Variants in AGBL1 observed in about 807,000 individuals in gnomAD.
AGBL1 encodes the protein cytosolic carboxypeptidase 4.
A neutral mutation model predicts 118.9 loss-of-function variants in AGBL1; 130 were observed. The observed-to-expected ratio is 1.09, with a 90% CI of 0.95 to 1.26. The LOEUF is 1.26. AGBL1 is among the 50% of genes most tolerant of loss of function. The pLI is 0.00. For missense variants in AGBL1, 1,584 were observed against 1,298.1 expected (o/e 1.22, Z -3.38); for synonymous variants, 555 against 478.9 (o/e 1.16, Z -2.08).
chr15:86,577,023 T>TA (rs2084101406), intron 21 of AGBL1, among the ~76,000 whole-genome samples: 1 of 152,184 alleles, frequency 6.6e-6, no homozygotes, highest in Non-Finnish European at 1.5e-5. Context: ...GCTGAAAAGA[T>TA]ACCCAAAAAT....
At chr15:86,477,261 A>G (rs1213632101) in intron 18 of AGBL1, among the ~76,000 whole-genome samples, 1 of 17,724 alleles carries the variant, frequency 5.6e-5, no homozygotes, top group African/African-American at 7.8e-4. Context: ...TAGAGACACA[A>G]AAAAACCCTT....
chr15:86,853,596 T>C (rs1301839040), intron 22 of AGBL1, among the ~76,000 whole-genome samples: 1 of 152,208 alleles, frequency 6.6e-6, no homozygotes, highest in Non-Finnish European at 1.5e-5. Flanking sequence ...CTCTACTTAC[T>C]ACACTTGGCT....
intron 21 of AGBL1, among the ~76,000 whole-genome samples, chr15:86,648,306 T>G (rs2142487550): frequency 1.3e-5 from 2 of 152,274 alleles, no homozygotes; most frequent in South Asian, 4.1e-4. Context: ...TGTGGGGTGC[T>G]AGACTTGAGA....
At chr15:86,893,301 C>G (rs974044198) in intron 22 of AGBL1, among the ~76,000 whole-genome samples, 1 of 152,050 alleles carries the variant, frequency 6.6e-6, no homozygotes, top group Non-Finnish European at 1.5e-5. Context: ...TGGCATTCAC[C>G]CAAGTCTTGA....
intron 1 of AGBL1, among the ~76,000 whole-genome samples, chr15:86,128,815 C>G (rs979963119): frequency 2.0e-5 from 3 of 152,138 alleles, no homozygotes; most frequent in Non-Finnish European, 4.4e-5. Context: ...AGCTATTAAT[C>G]TTACCATACC....
intron 18 of AGBL1, among the ~76,000 whole-genome samples, chr15:86,429,889 C>G (rs987266363): frequency 6.6e-6 from 1 of 152,066 alleles, no homozygotes; most frequent in African/African-American, 2.4e-5. Flanking sequence ...TATTCTTTAC[C>G]CTTGTCCACA....
chr15:86,782,638 C>G (rs749598345), intron 22 of AGBL1, among the ~76,000 whole-genome samples: 9 of 152,112 alleles, frequency 5.9e-5, no homozygotes, highest in Non-Finnish European at 1.0e-4. Flanking sequence ...ATTTTTGCTT[C>G]AAGTTGATAT....
Position 86,934,136 on chromosome 15 carries a change from A to T in AGBL1, c.3222-53851A>T, listed in dbSNP as rs550702661. On this transcript the variant is annotated intron_variant, in intron 23 of 24. Coordinates refer to the AGBL1 transcript ENST00000441037. ...ATTATCTCTTCAAATTTATGCTCAGAGGTCAGAATTATGATAAACAGCTAA... is the reference window on the plus strand; with the variant it reads ...ATTATCTCTTCAAATTTATGCTCAGTGGTCAGAATTATGATAAACAGCTAA... Among the ~76,000 whole-genome samples, 42 of 152,322 alleles carry T rather than the reference A, an allele frequency of 2.8e-4. No homozygotes were observed. The South Asian group carries it at 7.7e-3, about 28-fold the overall frequency.
intron 21 of AGBL1, among the ~76,000 whole-genome samples, chr15:86,670,241 A>C (rs977694289): frequency 2.6e-5 from 4 of 152,028 alleles, no homozygotes; most frequent in Non-Finnish European, 4.4e-5. Context: ...GTCTCGATTA[A>C]TTTACACTTC....
intron 1 of AGBL1, chr15:86,139,777 TAA>T (rs529531036): frequency 3.4e-5 from 5 of 146,316 alleles, no homozygotes; most frequent in Admixed American, 1.3e-4. Flanking sequence ...TTTTTTTTTT[TAA>T]AAACCAGGGC....
At chr15:86,253,124 A>C (rs2078842511) in intron 7 of AGBL1, among the ~76,000 whole-genome samples, 1 of 152,198 alleles carries the variant, frequency 6.6e-6, no homozygotes. Context: ...TGAGAAACAC[A>C]GACATGGCAG....
At chr15:86,150,946 C>T (rs1043547031) in intron 3 of AGBL1, among the ~76,000 whole-genome samples, 8 of 152,202 alleles carry the variant, frequency 5.3e-5, no homozygotes, top group African/African-American at 1.9e-4. Flanking sequence ...AAATGTGGCA[C>T]ATATACACCA....
intron 23 of AGBL1, among the ~76,000 whole-genome samples, chr15:86,943,623 C>T (rs569726018): frequency 2.6e-5 from 4 of 152,116 alleles, no homozygotes; most frequent in African/African-American, 9.7e-5. Context: ...TCTACCCGGC[C>T]GGCACCATGT....
chr15:86,997,028 TAAG>T (rs1011218961), intron 24 of AGBL1, among the ~76,000 whole-genome samples: 12 of 151,922 alleles, frequency 7.9e-5, no homozygotes, highest in African/African-American at 2.9e-4. Flanking sequence ...AAACAAAAAA[TAAG>T]AAGAAAGAAA....
At chr15:86,541,682 G>A (rs2083498973) in intron 19 of AGBL1, among the ~76,000 whole-genome samples, 1 of 149,472 alleles carries the variant, frequency 6.7e-6, no homozygotes, top group African/African-American at 2.5e-5. Flanking sequence ...AATCATGCAA[G>A]CCTCACGTAT....
rs147377624 is a variant in AGBL1, at chr15:86,911,048, A to G, written c.*3754A>G. ...GAATTGTTGGGATAAAACGTGTTCT[A>G]CCAAATTCAAAGCCAAACTAAGATG... On this transcript the variant is annotated 3_prime_UTR_variant, in exon 23 of 23. Coordinates refer to ENST00000614907, the MANE Select transcript of AGBL1 (RefSeq NM_001386094.1). The G allele has an allele frequency of 9.7e-3, 1,475 of 152,400 alleles. 6 individuals are homozygous for G. Among genetic ancestry groups the G allele is most frequent in the Non-Finnish European group, 0.016 (1,121 of 68,086 alleles). The allele number at this position is 152,400 out of a possible 1,614,324, so 9.4% of individuals were successfully genotyped here. A position where few individuals can be genotyped will look rare whatever the true frequency, so the allele number is the denominator to read the frequency against.
At chr15:86,223,814 T>C (rs1468875851) in intron 5 of AGBL1, among the ~76,000 whole-genome samples, 1 of 152,198 alleles carries the variant, frequency 6.6e-6, no homozygotes, top group African/African-American at 2.4e-5. Flanking sequence ...TTACTTTATA[T>C]TTATTCTTTC....
At chr15:86,542,177 G>C (rs1196683582) in intron 19 of AGBL1, among the ~76,000 whole-genome samples, 1 of 152,172 alleles carries the variant, frequency 6.6e-6, no homozygotes, top group East Asian at 1.9e-4. Context: ...TAATGTAGGG[G>C]AGAGTATGCA....
intron 24 of AGBL1, among the ~76,000 whole-genome samples, chr15:87,022,720 C>G (rs1327052362): frequency 6.6e-6 from 1 of 152,076 alleles, no homozygotes; most frequent in East Asian, 1.9e-4. Context: ...ACCAGGTAAC[C>G]TATTAAAATA....
Sources: allele counts gnomAD v4.1 joint callset (sites outside exome capture counted in the v4.1 genomes callset), GRCh38; gene constraint gnomAD v4.1.1; transcripts MANE v1.5; gene names NCBI Gene and HGNC (gene_info 2026-07-23, HGNC 2026-07-21).